The following GLIS3 variants were observed in gnomAD, a reference collection of about 807,000 sequenced individuals.
GLIS3 encodes the protein GLIS family zinc finger 3.
Under a neutral mutation model 78.6 loss-of-function variants are expected in GLIS3, and 53 were observed. The observed-to-expected ratio is 0.67, with a 90% CI of 0.54 to 0.85. The LOEUF is 0.85. Ranked by LOEUF, GLIS3 falls within the 40% of genes least tolerant of loss-of-function variation. The pLI, the probability that GLIS3 is intolerant of heterozygous loss-of-function variation, is 0.00. For missense variants in GLIS3, 1,703 were observed against 1,231.1 expected (o/e 1.38, Z -5.74); for synonymous variants, 684 against 509.9 (o/e 1.34, Z -4.60).
chr9:4,148,820 G>A (rs996938916), intron 2 of GLIS3, among the ~76,000 whole-genome samples: 1 of 152,080 alleles, frequency 6.6e-6, no homozygotes, highest in Non-Finnish European at 1.5e-5. Flanking sequence ...TGAGAAGCCT[G>A]GAGTGGGGGT....
the GLIS3 span, among the ~76,000 whole-genome samples, chr9:4,356,286 G>T: frequency 1.3e-5 from 2 of 152,308 alleles, no homozygotes; most frequent in East Asian, 1.9e-4. Context: ...GAGGACTGGG[G>T]ACTGGTATGT....
At chr9:4,192,443 T>C (rs1399089237) in intron 2 of GLIS3, among the ~76,000 whole-genome samples, 1 of 152,250 alleles carries the variant, frequency 6.6e-6, no homozygotes, top group Admixed American at 6.5e-5. Flanking sequence ...TGGGAAAACA[T>C]GTTCCAAGTT....
chr9:4,125,453 G>A (rs796839680), intron 3 of GLIS3, among the ~76,000 whole-genome samples: 16 of 152,224 alleles, frequency 1.1e-4, no homozygotes, highest in African/African-American at 3.6e-4. Context: ...TTTACACACC[G>A]TGTTTCAGTC....
intron 2 of GLIS3, among the ~76,000 whole-genome samples, chr9:4,175,128 A>AATACAGAATGTATTTC (rs749107363): frequency 7.9e-5 from 12 of 152,312 alleles, no homozygotes; most frequent in Non-Finnish European, 1.3e-4. Context: ...GACTTTCTGA[A>AATACAGAATGTATTTC]TGGTCTCTCT....
At chr9:3,966,435 C>CTTT (rs764863612) in intron 4 of GLIS3, among the ~76,000 whole-genome samples, 1 of 150,738 alleles carries the variant, frequency 6.6e-6, no homozygotes. Flanking sequence ...TGATGCAAAG[C>CTTT]CTTTTTTTTT....
intron 4 of GLIS3, chr9:3,975,205 C>G (rs1818677478): frequency 6.6e-6 from 1 of 152,090 alleles, no homozygotes; most frequent in Non-Finnish European, 1.5e-5. Context: ...GAGACAAGCC[C>G]ATTCTAAACT....
chr9:4,046,213 G>T (rs143089074), intron 4 of GLIS3, among the ~76,000 whole-genome samples: 14 of 152,286 alleles, frequency 9.2e-5, no homozygotes, highest in African/African-American at 3.1e-4. Context: ...CACCTTAAGA[G>T]AGGATTCTAG....
At chr9:4,063,883 C>G (rs1046695671) in intron 4 of GLIS3, among the ~76,000 whole-genome samples, 21 of 152,004 alleles carry the variant, frequency 1.4e-4, no homozygotes, top group African/African-American at 5.1e-4. Context: ...GTGTGAGTTC[C>G]CAATATTCAA....
At chr9:4,157,923 C>A (rs1835157865) in intron 2 of GLIS3, among the ~76,000 whole-genome samples, 1 of 152,160 alleles carries the variant, frequency 6.6e-6, no homozygotes, top group South Asian at 2.1e-4. Context: ...CCTCAAAAAA[C>A]CTTTTCAGTA....
chr9:4,126,023 G>T, intron 2 of GLIS3, 82 bp from the exon 3 acceptor site: 11 of 1,069,046 alleles, frequency 1.0e-5, no homozygotes. Context: ...GCTTATATCA[G>T]GACCCATCTT....
At chr9:4,100,558 A>G (rs1026190384) in intron 4 of GLIS3, among the ~76,000 whole-genome samples, 2 of 152,206 alleles carry the variant, frequency 1.3e-5, no homozygotes, top group African/African-American at 4.8e-5. Flanking sequence ...GGACAAAATT[A>G]CATAATCTTA....
intron 2 of GLIS3, among the ~76,000 whole-genome samples, chr9:4,339,436 G>A (rs1403725067): frequency 1.3e-5 from 2 of 152,036 alleles, no homozygotes; most frequent in Non-Finnish European, 2.9e-5. Flanking sequence ...TATTTTTAAA[G>A]AATGACATTT....
At chr9:4,392,131 G>A in the GLIS3 span, among the ~76,000 whole-genome samples, 124 of 152,034 alleles carry the variant, frequency 8.2e-4, 1 homozygote, top group African/African-American at 2.8e-3. Context: ...ATTAGCTTCA[G>A]CAAACTAACA....
chr9:4,401,417 G>A, the GLIS3 span, among the ~76,000 whole-genome samples: 3 of 151,406 alleles, frequency 2.0e-5, no homozygotes, highest in Non-Finnish European at 2.9e-5. Flanking sequence ...AAGCCACCAC[G>A]CCCAGCTAAT....
intron 2 of GLIS3, among the ~76,000 whole-genome samples, chr9:4,171,590 T>A (rs1035006730): frequency 6.6e-6 from 1 of 152,202 alleles, no homozygotes; most frequent in Non-Finnish European, 1.5e-5. Flanking sequence ...TCTTTAGCTA[T>A]CTGAGGGGAG....
At position 4,079,563 on chromosome 9, in the gene GLIS3, G is replaced by T. The variant is rs1033278684; in HGVS notation, c.1710+38205C>A. Among the ~76,000 whole-genome samples the T allele has an allele frequency of 2.6e-5, 4 of 152,154 alleles. 1 individual carries two copies. Among genetic ancestry groups the T allele is most frequent in the South Asian group, 4.2e-4 (2 of 4,818 alleles). Reference sequence around the variant, plus strand: ...AGAGCAGTTTCAAAGTCCGCATTCTGTTCCTCTGCCTTTGGGATGCCGTTA... The same window carrying T: ...AGAGCAGTTTCAAAGTCCGCATTCTTTTCCTCTGCCTTTGGGATGCCGTTA... On this transcript the variant is annotated intron_variant, in intron 4 of 10. Coordinates refer to ENST00000381971, the MANE Select transcript of GLIS3 (RefSeq NM_001042413.2).
At chr9:4,009,157 T>G (rs1821797182) in intron 4 of GLIS3, among the ~76,000 whole-genome samples, 1 of 152,164 alleles carries the variant, frequency 6.6e-6, no homozygotes. Flanking sequence ...TCTCTCTCCT[T>G]CCAGAGCCGT....
intron 2 of GLIS3, among the ~76,000 whole-genome samples, chr9:4,254,516 T>C (rs1824721406): frequency 6.6e-6 from 1 of 152,036 alleles, no homozygotes; most frequent in Non-Finnish European, 1.5e-5. Context: ...TCTGGAAGGG[T>C]TAGAAGAGCT....
chr9:4,120,125 C>T (rs980940258), intron 3 of GLIS3, among the ~76,000 whole-genome samples: 2 of 152,174 alleles, frequency 1.3e-5, no homozygotes, highest in African/African-American at 2.4e-5. Context: ...CACATTGTTT[C>T]CAGCTGTTAA....
Sources: gnomAD v4.1 joint callset for allele counts (sites outside exome capture counted in the v4.1 genomes callset) on GRCh38, gnomAD v4.1.1 for gene constraint, MANE v1.5 for transcripts, NCBI Gene and HGNC (gene_info 2026-07-23, HGNC 2026-07-21) for gene names.